The following ANKRD2 variants were observed in gnomAD, a reference collection of about 807,000 sequenced individuals.
The protein encoded by ANKRD2 is ankyrin repeat domain-containing protein 2.
A neutral mutation model predicts 37.3 loss-of-function variants in ANKRD2; 35 were observed. The ratio of observed to expected loss-of-function variants is 0.94; its 90% confidence interval spans 0.72 to 1.24. The LOEUF (loss-of-function observed/expected upper bound fraction) is 1.24. Among genes scored for constraint, ANKRD2 ranks in the 50% most tolerant of loss-of-function variants. ANKRD2 has a pLI of 0.00. For missense variants in ANKRD2, 410 were observed against 445.6 expected (o/e 0.92, Z 0.72); for synonymous variants, 159 against 186.5 (o/e 0.85, Z 1.20).
intron 5 of ANKRD2, 67 bp from the exon 6 acceptor site, chr10:97,581,249 G>C: frequency 6.7e-7 from 1 of 1,503,562 alleles, no homozygotes; most frequent in Non-Finnish European, 9.2e-7. Flanking sequence ...TTCCTGGCTG[G>C]GGTACATTAC....
Position 97,583,880 on chromosome 10 carries a change from G to C in ANKRD2, c.*155G>C. On this transcript the variant is annotated 3_prime_UTR_variant, in exon 9 of 9. Coordinates refer to ENST00000370655, the MANE Select transcript of ANKRD2 (RefSeq NM_001346793.2). ...CTACCACAATAAAAAAGCTGTTTTT[G>C]CTAATTGCGATGTTCATTTCCACTT... 1.2e-6 allele frequency: 1 copy of C among 822,906 alleles called. No individual in the cohort carries two copies. Among genetic ancestry groups the C allele is most frequent in the Non-Finnish European group, 1.7e-6 (1 of 591,140 alleles). 51.0% of individuals were successfully genotyped at this position (822,906 alleles called of 1,614,324 possible).
intron 2 of ANKRD2, 130 bp from the exon 3 acceptor site, chr10:97,578,104 GGATAGA>G: frequency 1.7e-6 from 2 of 1,205,882 alleles, no homozygotes; most frequent in Non-Finnish European, 2.3e-6. Context: ...CTGGAAGGAG[GGATAGA>G]CCTTGGTTCC....
Position 97,580,879 on chromosome 10 carries a change from G to T in ANKRD2, c.481G>T (p.Ala161Ser), listed in dbSNP as rs904801908. 1.2e-6 allele frequency: 2 copies of T among 1,611,528 alleles called. No homozygotes were observed. Among genetic ancestry groups the T allele is most frequent in the South Asian group, 2.2e-5 (2 of 90,400 alleles). ...GTTCCGTCGGACAGCACTGCACCGA[G>T]CTTCCCTGGAAGGCCACATGGAAAT... ...DQFRRTALHR[A>S]SLEGHMEILE... Residue 161 changes from alanine (A) to serine (S), a missense_variant, in exon 5 of 9, where the codon GCT becomes TCT. By Grantham distance (99) the Ala-to-Ser change is moderately conservative. Coordinates refer to ENST00000370655, the MANE Select transcript of ANKRD2 (RefSeq NM_001346793.2).
chr10:97,577,177 A>AT (rs965534428), intron 1 of ANKRD2, among the ~76,000 whole-genome samples: 5 of 151,454 alleles, frequency 3.3e-5, no homozygotes, highest in African/African-American at 7.3e-5. Context: ...TAATTATTTA[A>AT]TTTTTTTGTA....
At chr10:97,577,729 C>T in intron 1 of ANKRD2, 71 bp from the exon 2 acceptor site, 1 of 1,266,586 alleles carries the variant, frequency 7.9e-7, no homozygotes. Context: ...GTGGGGTGTC[C>T]TTGGTGTGGT....
At chr10:97,578,439 G>T (rs1389968149) in intron 3 of ANKRD2, 41 bp downstream of exon 3, 2 of 1,609,698 alleles carry the variant, frequency 1.2e-6, no homozygotes, top group African/African-American at 1.3e-5. Flanking sequence ...GGCGGAGGGG[G>T]AGCCCGGGAG....
intron 1 of ANKRD2, among the ~76,000 whole-genome samples, chr10:97,576,317 G>A (rs2040825726): frequency 6.6e-6 from 1 of 152,200 alleles, no homozygotes; most frequent in African/African-American, 2.4e-5. Context: ...CTGCAGAGAT[G>A]GGAGTGCCAG....
rs1469433859 is a variant in ANKRD2, at chr10:97,577,866, C to T, written c.154C>T (p.His52Tyr). 10 of 1,571,882 alleles carry T rather than the reference C, an allele frequency of 6.4e-6. No individual in the cohort carries two copies. Among genetic ancestry groups the T allele is most frequent in the Non-Finnish European group, 7.8e-6 (9 of 1,158,730 alleles). ...DLLVLEDEKH[H>Y]GAQSAALQKV... is the part of the protein sequence containing the mutation. Reference sequence around the variant, plus strand: ...GCTGGTGCTGGAGGATGAGAAGCACCACGGGGCTCAGAGTGCAGCCCTGCA... The same window carrying T: ...GCTGGTGCTGGAGGATGAGAAGCACTACGGGGCTCAGAGTGCAGCCCTGCA... The change falls in exon 2 of 9, where the codon CAC becomes TAC. Residue 52 changes from histidine (H) to tyrosine (Y), a missense_variant. Transcript: ENST00000370655.
intron 4 of ANKRD2, among the ~76,000 whole-genome samples, chr10:97,579,897 C>T (rs531438105): frequency 6.6e-6 from 1 of 152,244 alleles, no homozygotes; most frequent in South Asian, 2.1e-4. Flanking sequence ...GTGTCCGGCC[C>T]CTTACAGCCA....
intron 4 of ANKRD2, among the ~76,000 whole-genome samples, chr10:97,580,281 A>G (rs537213423): frequency 6.6e-6 from 1 of 152,390 alleles, no homozygotes; most frequent in Non-Finnish European, 1.5e-5. Context: ...TCCTGTAACC[A>G]GATCATGAGA....
At chr10:97,580,776 G>T (rs2040886951) in intron 4 of ANKRD2, 79 bp from the exon 5 acceptor site, 4 of 1,067,566 alleles carry the variant, frequency 3.7e-6, no homozygotes, top group Admixed American at 2.2e-5. Context: ...TGGGGGGAAG[G>T]CCTGGGCCTC....
At chr10:97,578,144 G>GT in intron 2 of ANKRD2, 96 bp from the exon 3 acceptor site, 5 of 685,446 alleles carry the variant, frequency 7.3e-6, no homozygotes, top group East Asian at 2.7e-5. Flanking sequence ...GGGTCTTCCT[G>GT]CCCACCCCAC....
In ANKRD2 at chr10:97,577,248, C is replaced by T. The variant is rs185103028; in HGVS notation, c.88-552C>T. 2.9e-3 allele frequency among the ~76,000 whole-genome samples: 447 copies of T among 152,166 alleles called. 3 individuals are homozygous for T. Among genetic ancestry groups the T allele is most frequent in the Middle Eastern group, 6.8e-3 (2 of 292 alleles). On this transcript the variant is annotated intron_variant, in intron 1 of 8. Transcript: ENST00000370655. ...CAAACTTCTGGGCTCAAGAGATCCTCCCACCTCAGCCTCCCAAAGTGCTGG... is the reference window on the plus strand; with the variant it reads ...CAAACTTCTGGGCTCAAGAGATCCTTCCACCTCAGCCTCCCAAAGTGCTGG...
intron 4 of ANKRD2, among the ~76,000 whole-genome samples, chr10:97,580,212 T>C (rs1187286792): frequency 1.3e-5 from 2 of 152,194 alleles, no homozygotes; most frequent in Non-Finnish European, 2.9e-5. Context: ...GGTTGGTTCC[T>C]TGGGGAGACT....
At chr10:97,582,791 A>G (rs2040918703) in intron 8 of ANKRD2, 89 bp downstream of exon 8, 5 of 1,178,136 alleles carry the variant, frequency 4.2e-6, no homozygotes, top group Admixed American at 3.5e-5. Flanking sequence ...GCCCCCGCCT[A>G]GGGACATGTA....
At chr10:97,578,144 G>GGGCCCCCCCCCCCCCC in intron 2 of ANKRD2, 96 bp from the exon 3 acceptor site, 6 of 685,412 alleles carry the variant, frequency 8.8e-6, no homozygotes, top group East Asian at 5.5e-5. Context: ...GGGTCTTCCT[G>GGGCCCCCCCCCCCCCC]CCCACCCCAC....
upstream of ANKRD2, chr10:97,572,575 C>T (rs903102464): frequency 3.6e-5 from 41 of 1,142,024 alleles, 1 homozygote; most frequent in East Asian, 6.2e-4. Flanking sequence ...CAGTGCCCTC[C>T]GGCTCTAATA....
At chr10:97,578,006 C>T in intron 2 of ANKRD2, 105 bp downstream of exon 2, 2 of 1,177,370 alleles carry the variant, frequency 1.7e-6, no homozygotes, top group Non-Finnish European at 2.3e-6. Flanking sequence ...GTTCAGCACC[C>T]CCGGTAGAGC....
rs931173103 is a variant in ANKRD2, at chr10:97,577,978, G to A, written c.189+77G>A. The A allele has an allele frequency of 1.1e-5, 15 of 1,386,164 alleles. No homozygotes were observed. The Admixed American group carries it at 3.0e-4, about 28-fold the overall frequency. 85.9% of individuals were successfully genotyped at this position (1,386,164 alleles called of 1,614,324 possible). ...ATGGCCTGTCTGCACCTCTCCCCACGTGGCCCATGGACCAGCAGTTCAGCA... is the reference window on the plus strand; with the variant it reads ...ATGGCCTGTCTGCACCTCTCCCCACATGGCCCATGGACCAGCAGTTCAGCA... On this transcript the variant is annotated intron_variant, in intron 2 of 8. Transcript: ENST00000370655.
Sources: gnomAD v4.1 joint callset for allele counts (sites outside exome capture counted in the v4.1 genomes callset) on GRCh38, gnomAD v4.1.1 for gene constraint, MANE v1.5 for transcripts, NCBI Gene and HGNC (gene_info 2026-07-23, HGNC 2026-07-21) for gene names.